Variants in ABLIM1 observed in about 807,000 individuals in gnomAD.
ABLIM1 encodes actin-binding LIM protein 1.
Under a neutral mutation model 107.0 loss-of-function variants are expected in ABLIM1, and 40 were observed. The observed-to-expected ratio is 0.37, with a 90% confidence interval of 0.29 to 0.49. The LOEUF (loss-of-function observed/expected upper bound fraction) is 0.49. Among genes scored for constraint, ABLIM1 ranks in the 20% least tolerant of loss-of-function variants. The pLI, the probability that ABLIM1 is intolerant of heterozygous loss-of-function variation, is 0.97. For missense variants in ABLIM1, 857 were observed against 1,008.5 expected (o/e 0.85, Z 2.04); for synonymous variants, 357 against 357.3 (o/e 1.00, Z 0.01).
rs994820895 is a variant in ABLIM1, at chr10:114,619,284, C to T, written c.245-17323G>A. Among the ~76,000 whole-genome samples the T allele has an allele frequency of 2.6e-5, 4 of 151,602 alleles. No individual in the cohort carries two copies. The highest frequency in any genetic ancestry group is 5.9e-5 in the Non-Finnish European group (4 of 67,920). On this transcript the variant is annotated intron_variant, in intron 1 of 22. Coordinates refer to ENST00000533213, the MANE Select transcript of ABLIM1 (RefSeq NM_002313.7). The surrounding 1 kb of genome is among the most constrained non-coding windows in gnomAD (Gnocchi z 4.1). ...CGATCTTAGCTCACTGCAACGTCCA[C>T]CTCCCAGGTTCAAGCAATTCTCCTG...
upstream of ABLIM1, among the ~76,000 whole-genome samples, chr10:114,770,465 A>C (rs1221636029): frequency 2.7e-4 from 41 of 150,156 alleles, no homozygotes; most frequent in African/African-American, 1.0e-3. Flanking sequence ...ACAAGATAAT[A>C]TGTTTCCTGT....
intron 14 of ABLIM1, among the ~76,000 whole-genome samples, chr10:114,449,775 C>T (rs761788795): frequency 3.3e-5 from 5 of 152,190 alleles, no homozygotes; most frequent in Non-Finnish European, 4.4e-5. Context: ...TTAAATCTAG[C>T]CTTTCTCAAA....
In ABLIM1 at chr10:114,724,043, T is replaced by C. The variant is rs917288795; in HGVS notation, c.-213+44018A>G. Among the ~76,000 whole-genome samples, 44 of 152,226 alleles carry C rather than the reference T, an allele frequency of 2.9e-4. 1 individual carries two copies. Among genetic ancestry groups the C allele is most frequent in the Admixed American group, 1.5e-3 (23 of 15,284 alleles). On this transcript the variant is annotated intron_variant, in intron 1 of 15. Coordinates refer to the ABLIM1 transcript ENST00000651092. ...GATATCTGCAGGAGAGTCATGATTT[T>C]ATTTATTTATGAAAACCCTTTTAAC...
At chr10:114,799,634 A>G in the ABLIM1 span, among the ~76,000 whole-genome samples, 2 of 152,336 alleles carry the variant, frequency 1.3e-5, no homozygotes, top group East Asian at 3.9e-4. Flanking sequence ...AAATATATCC[A>G]GAGTCCAACT....
At chr10:114,661,276 A>C (rs1178346484), upstream of ABLIM1, among the ~76,000 whole-genome samples, 2 of 152,212 alleles carry the variant, frequency 1.3e-5, no homozygotes, top group African/African-American at 4.8e-5. Flanking sequence ...TATAAATGTG[A>C]GGGGGCTGAC....
At chr10:114,636,641 T>C (rs2078494257) in intron 1 of ABLIM1, among the ~76,000 whole-genome samples, 1 of 152,228 alleles carries the variant, frequency 6.6e-6, no homozygotes. Context: ...GCATCTGGGA[T>C]TGGCTTATCC....
chr10:114,520,353 T>C (rs904540588), intron 6 of ABLIM1, among the ~76,000 whole-genome samples: 6 of 152,174 alleles, frequency 3.9e-5, no homozygotes, highest in African/African-American at 1.2e-4. Flanking sequence ...CACTTGGTTA[T>C]ATTAAAAATG....
rs1252847688 is a variant in ABLIM1, at chr10:114,457,277, TA to T, written c.1442-3795del. Reference sequence around the variant, plus strand: ...CCTTATCTGTATTTATTTTTATTTTTATTTTTTTTTGAGACAGAGTCTTGCT... The same window carrying T: ...CCTTATCTGTATTTATTTTTATTTTTTTTTTTTTTGAGACAGAGTCTTGCT... On this transcript the variant is annotated intron_variant, in intron 12 of 22. Coordinates refer to ENST00000533213, the MANE Select transcript of ABLIM1 (RefSeq NM_002313.7). Among the ~76,000 whole-genome samples, 6 of 152,264 alleles carry T rather than the reference TA, an allele frequency of 3.9e-5. No homozygotes were observed. In the East Asian group the frequency reaches 1.2e-3, roughly 29 times the overall value.
chr10:114,644,361 T>C (rs1249648696), intron 1 of ABLIM1, among the ~76,000 whole-genome samples: 16 of 137,762 alleles, frequency 1.2e-4, no homozygotes, highest in Admixed American at 5.9e-4. Context: ...CATATATATA[T>C]ACACACACAC....
intron 10 of ABLIM1, among the ~76,000 whole-genome samples, chr10:114,470,841 G>A (rs2133892516): frequency 6.6e-6 from 1 of 151,090 alleles, no homozygotes; most frequent in South Asian, 2.1e-4. Flanking sequence ...CATCGGTCTG[G>A]TTTTTCTTTT....
intron 1 of ABLIM1, among the ~76,000 whole-genome samples, chr10:114,704,234 ATC>A (rs146918307): frequency 0.024 from 2,280 of 96,632 alleles, 61 homozygotes; most frequent in African/African-American, 0.076. Context: ...GACTCGAACA[ATC>A]TCTCTCTCTC....
intron 1 of ABLIM1, among the ~76,000 whole-genome samples, chr10:114,708,868 T>G (rs1053678988): frequency 6.6e-6 from 1 of 152,172 alleles, no homozygotes; most frequent in African/African-American, 2.4e-5. Context: ...GTTTGTAAAA[T>G]CTGTACCAAA....
intron 1 of ABLIM1, among the ~76,000 whole-genome samples, chr10:114,743,535 A>G (rs931949911): frequency 1.3e-5 from 2 of 152,242 alleles, no homozygotes; most frequent in Non-Finnish European, 2.9e-5. Flanking sequence ...GTGGTAGATA[A>G]TAAATATTTT....
At chr10:114,669,821 G>A (rs2080176478) in intron 1 of ABLIM1, among the ~76,000 whole-genome samples, 1 of 152,078 alleles carries the variant, frequency 6.6e-6, no homozygotes, top group African/African-American at 2.4e-5. Context: ...GGAGGGAAGG[G>A]GGATCTGGGG....
At chr10:114,799,062 T>C in the ABLIM1 span, among the ~76,000 whole-genome samples, 2 of 152,144 alleles carry the variant, frequency 1.3e-5, no homozygotes, top group Non-Finnish European at 2.9e-5. Context: ...CCTCCCAAAG[T>C]GTTGGGATTA....
intron 6 of ABLIM1, among the ~76,000 whole-genome samples, chr10:114,537,297 T>C (rs911808720): frequency 7.9e-5 from 12 of 152,312 alleles, no homozygotes; most frequent in African/African-American, 2.9e-4. Context: ...ATGGGGTTCA[T>C]ATGAGTATTT....
At chr10:114,713,811 A>G (rs1256181208) in intron 1 of ABLIM1, among the ~76,000 whole-genome samples, 1 of 152,236 alleles carries the variant, frequency 6.6e-6, no homozygotes, top group East Asian at 1.9e-4. Context: ...TGCAAACAAT[A>G]GTAAGAGCTA....
intron 4 of ABLIM1, among the ~76,000 whole-genome samples, chr10:114,551,191 T>C (rs2068017013): frequency 2.0e-5 from 3 of 152,238 alleles, no homozygotes; most frequent in Admixed American, 6.5e-5. Flanking sequence ...CTGTAAAGTG[T>C]TTTGCATAAT....
intron 6 of ABLIM1, among the ~76,000 whole-genome samples, chr10:114,501,612 G>A (rs2060437709): frequency 6.6e-6 from 1 of 152,130 alleles, no homozygotes; most frequent in African/African-American, 2.4e-5. Flanking sequence ...ACGAAGCAAA[G>A]TACCACTATA....
Sources: gnomAD v4.1 joint callset for allele counts (sites outside exome capture counted in the v4.1 genomes callset) on GRCh38, gnomAD v4.1.1 for gene constraint, Gnocchi (gnomAD v3.1) non-coding constraint, MANE v1.5 for transcripts, NCBI Gene and HGNC (gene_info 2026-07-23, HGNC 2026-07-21) for gene names.